UBAC2: variants seen among roughly 807,000 people sequenced by gnomAD.
UBAC2 encodes UBA domain containing 2, also known as ubiquitin-associated domain-containing protein 2.
A neutral mutation model predicts 44.0 loss-of-function variants in UBAC2; 26 were observed. The ratio of observed to expected loss-of-function variants is 0.59; its 90% CI spans 0.43 to 0.82. UBAC2 has a LOEUF of 0.82. UBAC2 is among the 40% of genes least tolerant of loss of function. The pLI, the probability that UBAC2 is intolerant of heterozygous loss-of-function variation, is 0.00. For synonymous variants in UBAC2, 155 were observed against 154.3 expected (o/e 1.00, Z -0.04); for missense variants, 329 against 419.4 (o/e 0.78, Z 1.88).
At chr13:99,305,460 T>C (rs2044319597) in intron 4 of UBAC2, among the ~76,000 whole-genome samples, 2 of 152,190 alleles carry the variant, frequency 1.3e-5, no homozygotes, top group Admixed American at 6.5e-5. Flanking sequence ...ACGGCTTTAT[T>C]AGGTGCGAAG....
intron 4 of UBAC2, among the ~76,000 whole-genome samples, chr13:99,289,151 C>T (rs2044058025): frequency 6.6e-6 from 1 of 152,156 alleles, no homozygotes; most frequent in South Asian, 2.1e-4. Flanking sequence ...CAGAACCAGG[C>T]CACCCATCTC....
chr13:99,349,365 G>C, intron 7 of UBAC2, among the ~76,000 whole-genome samples: 1 of 152,234 alleles, frequency 6.6e-6, no homozygotes, highest in Non-Finnish European at 1.5e-5. Context: ...ACAGGGCTTA[G>C]CAGGTGTTCT....
intron 4 of UBAC2, among the ~76,000 whole-genome samples, chr13:99,290,832 A>G (rs1052729060): frequency 2.6e-5 from 4 of 152,166 alleles, no homozygotes; most frequent in Admixed American, 2.6e-4. Context: ...CCTGAATCCC[A>G]TGAATGAGAG....
At chr13:99,251,985 T>G (rs1594049047) in intron 4 of UBAC2, among the ~76,000 whole-genome samples, 1 of 152,308 alleles carries the variant, frequency 6.6e-6, no homozygotes, top group African/African-American at 2.4e-5. Flanking sequence ...GGCCTTGAAC[T>G]CCTAAGCTCA....
At chr13:99,250,872 G>T (rs138891830) in intron 4 of UBAC2, among the ~76,000 whole-genome samples, 1,824 of 151,910 alleles carry the variant, frequency 0.012, 48 homozygotes, top group African/African-American at 0.041. Flanking sequence ...TCAGCCTCCC[G>T]AGTAGCTGGG....
intron 5 of UBAC2, among the ~76,000 whole-genome samples, chr13:99,317,495 A>G (rs1399250679): frequency 6.6e-6 from 1 of 152,246 alleles, no homozygotes; most frequent in African/African-American, 2.4e-5. Flanking sequence ...CCTTGGGTGA[A>G]CTAGAATGAG....
intron 4 of UBAC2, among the ~76,000 whole-genome samples, chr13:99,247,573 C>T (rs957437319): frequency 2.6e-5 from 4 of 151,964 alleles, no homozygotes; most frequent in East Asian, 1.9e-4. Context: ...ACGTCACACA[C>T]TGGGGCTGTC....
At chr13:99,288,596 C>T (rs2044050716) in intron 4 of UBAC2, among the ~76,000 whole-genome samples, 1 of 152,148 alleles carries the variant, frequency 6.6e-6, no homozygotes, top group Non-Finnish European at 1.5e-5. Flanking sequence ...TGCTTTTTTA[C>T]ATGTGGAAGG....
intron 6 of UBAC2, among the ~76,000 whole-genome samples, chr13:99,324,889 T>A (rs1007135961): frequency 2.0e-5 from 3 of 152,088 alleles, no homozygotes; most frequent in African/African-American, 7.2e-5. Context: ...TATGAAAAAA[T>A]ATATATAAAT....
intron 4 of UBAC2, among the ~76,000 whole-genome samples, chr13:99,263,278 A>G (rs189539184): frequency 2.0e-5 from 3 of 152,310 alleles, no homozygotes; most frequent in Admixed American, 2.0e-4. Context: ...GAAAGGTTTT[A>G]TAGCTGGATC....
At chr13:99,208,752 G>A (rs1271026109) in intron 1 of UBAC2, among the ~76,000 whole-genome samples, 1 of 152,186 alleles carries the variant, frequency 6.6e-6, no homozygotes, top group Non-Finnish European at 1.5e-5. Flanking sequence ...GGAAGGAGAG[G>A]TGAGGCTCTC....
chr13:99,244,380 C>T (rs2043355620), intron 3 of UBAC2, 135 bp from the exon 4 acceptor site: 1 of 573,356 alleles, frequency 1.7e-6, no homozygotes, highest in Non-Finnish European at 3.0e-6. Flanking sequence ...TATATATACA[C>T]ACATATGCAT....
At chr13:99,245,712 G>A (rs949437161) in intron 4 of UBAC2, among the ~76,000 whole-genome samples, 10 of 152,228 alleles carry the variant, frequency 6.6e-5, no homozygotes, top group African/African-American at 9.6e-5. Context: ...GTGGTGGCAC[G>A]TAGTCCCAGC....
At chr13:99,242,637 C>A (rs1415547390) in intron 2 of UBAC2, among the ~76,000 whole-genome samples, 1 of 97,934 alleles carries the variant, frequency 1.0e-5, no homozygotes, top group Admixed American at 1.0e-4. Context: ...GGGGGGCTGA[C>A]CCCCCCACCT....
At chr13:99,316,258 A>G (rs17472169) in intron 5 of UBAC2, among the ~76,000 whole-genome samples, 33,734 of 150,830 alleles carry the variant, frequency 0.22, 3,867 homozygotes, top group South Asian at 0.26. Context: ...TCTGGTGTCA[A>G]CTCCCCCTGT....
intron 6 of UBAC2, among the ~76,000 whole-genome samples, chr13:99,319,066 C>T (rs187475562): frequency 6.6e-6 from 1 of 152,188 alleles, no homozygotes; most frequent in African/African-American, 2.4e-5. Context: ...ACTGGAAAGT[C>T]AGGTGGGTTG....
At chr13:99,233,181 C>T (rs1275601819) in intron 1 of UBAC2, among the ~76,000 whole-genome samples, 1 of 150,978 alleles carries the variant, frequency 6.6e-6, no homozygotes, top group Admixed American at 6.6e-5. Context: ...GGCGTGATCT[C>T]GGCTCACTGC....
chr13:99,338,141 T>G (rs1362106695), intron 6 of UBAC2, among the ~76,000 whole-genome samples: 1 of 128,718 alleles, frequency 7.8e-6, no homozygotes, highest in Non-Finnish European at 1.6e-5. Context: ...TACTGTAACC[T>G]CCACCACCCA....
intron 4 of UBAC2, among the ~76,000 whole-genome samples, chr13:99,254,458 T>C (rs1259114477): frequency 1.3e-5 from 2 of 152,224 alleles, no homozygotes; most frequent in Non-Finnish European, 2.9e-5. Flanking sequence ...ACATAATTTC[T>C]TATATAGGAA....
Sources: allele counts gnomAD v4.1 joint callset (sites outside exome capture counted in the v4.1 genomes callset), GRCh38; gene constraint gnomAD v4.1.1; transcripts MANE v1.5; gene names NCBI Gene and HGNC (gene_info 2026-07-23, HGNC 2026-07-21).